Variants in CDH18 observed in about 807,000 individuals in gnomAD.
The protein encoded by CDH18 is cadherin-18.
Under a neutral mutation model 67.9 loss-of-function variants are expected in CDH18, and 31 were observed. The observed-to-expected ratio is 0.46, with a 90% CI of 0.34 to 0.62. The LOEUF (loss-of-function observed/expected upper bound fraction) is 0.62. Among genes scored for constraint, CDH18 ranks in the 20% least tolerant of loss-of-function variants. The probability of loss-of-function intolerance (pLI) is 0.01; values close to 1 mark genes in which losing one functional copy is unlikely to be tolerated. For synonymous variants in CDH18, 362 were observed against 347.2 expected (o/e 1.04, Z -0.48); for missense variants, 890 against 975.5 (o/e 0.91, Z 1.17).
At position 19,605,640 on chromosome 5, in the gene CDH18, A is replaced by C. The variant is rs980115171; in HGVS notation, c.811+6794T>G. ...AACAACTCTAAAAGATGCATAGTAT[A>C]TAGAAAATGACTGTTTTAAGGCATT... On this transcript the variant is annotated intron_variant, in intron 6 of 12. Transcript: ENST00000382275. 2.0e-5 allele frequency among the ~76,000 whole-genome samples: 3 copies of C among 152,108 alleles called. No homozygotes were observed. In the South Asian group the frequency reaches 6.2e-4, roughly 31 times the overall value.
chr5:20,407,461 G>A (rs1441579947), intron 1 of CDH18, among the ~76,000 whole-genome samples: 1 of 149,728 alleles, frequency 6.7e-6, no homozygotes, highest in Non-Finnish European at 1.5e-5. Context: ...GATTGGTAGA[G>A]GTGATAGATT....
chr5:19,817,899 T>C (rs1361095207), intron 3 of CDH18, among the ~76,000 whole-genome samples: 1 of 152,174 alleles, frequency 6.6e-6, no homozygotes, highest in African/African-American at 2.4e-5. Context: ...AAATTAGCCA[T>C]AGATAATACA....
At chr5:20,444,263 C>T (rs1561008093) in intron 1 of CDH18, among the ~76,000 whole-genome samples, 1 of 152,206 alleles carries the variant, frequency 6.6e-6, no homozygotes, top group Admixed American at 6.5e-5. Flanking sequence ...TATGTATCCT[C>T]AGAATCTGCA....
intron 1 of CDH18, among the ~76,000 whole-genome samples, chr5:20,542,678 A>G (rs897237890): frequency 2.0e-4 from 30 of 152,168 alleles, no homozygotes; most frequent in Non-Finnish European, 3.2e-4. Context: ...TCCATACGAA[A>G]GACATTTTTC....
chr5:19,985,869 A>G (rs1400042951), intron 1 of CDH18, among the ~76,000 whole-genome samples: 1 of 152,176 alleles, frequency 6.6e-6, no homozygotes, highest in East Asian at 1.9e-4. Context: ...TTCCTGGTCA[A>G]TAAGTTCAAT....
chr5:19,706,016 T>G (rs1696069552), intron 5 of CDH18, among the ~76,000 whole-genome samples: 1 of 152,128 alleles, frequency 6.6e-6, no homozygotes, highest in Non-Finnish European at 1.5e-5. Context: ...AAATGTAAAG[T>G]TTTCCAGACG....
chr5:20,459,260 A>G (rs924723994), intron 1 of CDH18, among the ~76,000 whole-genome samples: 5 of 152,184 alleles, frequency 3.3e-5, no homozygotes, highest in African/African-American at 1.2e-4. Context: ...TCTATACCAC[A>G]GGTTTTTCAG....
intron 1 of CDH18, among the ~76,000 whole-genome samples, chr5:20,541,111 G>T (rs1757026495): frequency 1.3e-5 from 2 of 152,160 alleles, no homozygotes; most frequent in Admixed American, 6.5e-5. Context: ...AAGCAGGAAT[G>T]AACATCTATT....
intron 2 of CDH18, among the ~76,000 whole-genome samples, chr5:20,086,340 G>A (rs137995540): frequency 1.2e-4 from 18 of 152,198 alleles, no homozygotes; most frequent in African/African-American, 4.1e-4. Context: ...ATAAAATTAT[G>A]AGCAAAGTGA....
chr5:20,465,727 C>T (rs56881594), intron 1 of CDH18, among the ~76,000 whole-genome samples: 1,883 of 151,972 alleles, frequency 0.012, 41 homozygotes, highest in South Asian at 0.049. Context: ...GAAATATATA[C>T]TGATCATAAT....
At chr5:19,479,779 G>C (rs922963130) in intron 12 of CDH18, among the ~76,000 whole-genome samples, 2 of 152,074 alleles carry the variant, frequency 1.3e-5, no homozygotes, top group African/African-American at 2.4e-5. Context: ...AGAGGTCCCA[G>C]TCAGATCACG....
intron 1 of CDH18, among the ~76,000 whole-genome samples, chr5:20,535,492 T>G (rs1297263603): frequency 6.6e-6 from 1 of 152,146 alleles, no homozygotes; most frequent in African/African-American, 2.4e-5. Flanking sequence ...ATCCATAACT[T>G]TATTTCCACC....
intron 2 of CDH18, among the ~76,000 whole-genome samples, chr5:20,095,380 AAAAGAGAAACAG>A (rs1475999846): frequency 2.1e-3 from 255 of 121,294 alleles, no homozygotes; most frequent in Middle Eastern, 4.3e-3. Context: ...AGAAAGAAAG[AAAAGAGAAACAG>A]AAGAAAGAAA....
At chr5:19,531,013 T>C (rs1199453250) in intron 9 of CDH18, among the ~76,000 whole-genome samples, 1 of 152,128 alleles carries the variant, frequency 6.6e-6, no homozygotes, top group Non-Finnish European at 1.5e-5. Flanking sequence ...GTACCTCAGA[T>C]GGAAATGCAG....
intron 5 of CDH18, among the ~76,000 whole-genome samples, chr5:19,656,206 T>C (rs925745999): frequency 7.2e-5 from 11 of 152,052 alleles, no homozygotes; most frequent in African/African-American, 2.7e-4. Context: ...CTCTTTTCAG[T>C]ATTTTAACTG....
intron 2 of CDH18, among the ~76,000 whole-genome samples, chr5:20,137,876 A>G (rs887422178): frequency 3.3e-5 from 5 of 152,128 alleles, no homozygotes; most frequent in African/African-American, 4.8e-5. Context: ...GCCGAATTCC[A>G]TCAGAGGTAC....
intron 2 of CDH18, among the ~76,000 whole-genome samples, chr5:19,871,268 C>CT (rs1470240011): frequency 1.2e-4 from 18 of 152,182 alleles, no homozygotes; most frequent in Admixed American, 1.0e-3. Flanking sequence ...AGAACCAGCA[C>CT]TCACCAAATA....
chr5:19,961,971 A>AG (rs1796950194), intron 2 of CDH18, among the ~76,000 whole-genome samples: 1 of 151,940 alleles, frequency 6.6e-6, no homozygotes, highest in Non-Finnish European at 1.5e-5. Context: ...AAATTTGGAA[A>AG]CTTTTGTTAA....
At chr5:20,496,981 T>G (rs1753946154) in intron 1 of CDH18, among the ~76,000 whole-genome samples, 1 of 151,922 alleles carries the variant, frequency 6.6e-6, no homozygotes, top group African/African-American at 2.4e-5. Context: ...GGGGCAAAAT[T>G]GTTCAGTGTG....
Sources: gnomAD v4.1 joint callset for allele counts (sites outside exome capture counted in the v4.1 genomes callset) on GRCh38, gnomAD v4.1.1 for gene constraint, MANE v1.5 for transcripts, NCBI Gene and HGNC (gene_info 2026-07-23, HGNC 2026-07-21) for gene names.